MTFP1: variants seen among roughly 807,000 people sequenced by gnomAD.
The protein encoded by MTFP1 is mitochondrial fission process 1, also known as mitochondrial fission process protein 1.
MTFP1 carries 19 observed loss-of-function variants against 17.1 expected under a neutral mutation model. That is an observed-to-expected ratio of 1.11 (90% CI 0.77 to 1.63). The LOEUF (loss-of-function observed/expected upper bound fraction) is 1.63, where lower values mean the gene tolerates loss of function less well. Ranked by LOEUF, MTFP1 falls within the 40% of genes most tolerant of loss-of-function variation. The pLI, the probability that MTFP1 is intolerant of heterozygous loss-of-function variation, is 0.00. For missense variants in MTFP1, 221 were observed against 226.2 expected, an observed-to-expected ratio of 0.98 and a Z score of 0.15; for synonymous variants, 89 against 95.2, an observed-to-expected ratio of 0.93 and a Z score of 0.38.
intron 1 of MTFP1, 125 bp downstream of exon 1, chr22:30,426,071 C>A: frequency 1.0e-6 from 1 of 976,744 alleles, no homozygotes; most frequent in South Asian, 1.8e-5. Flanking sequence ...GCTTTTGGGC[C>A]GGAGACTGGG....
At position 30,428,511 on chromosome 22, in the gene MTFP1, G is replaced by T; in HGVS notation, c.478G>T (p.Val160Leu). Reference protein sequence around the residue: ...DSSLRKLYPTVGKPSSS With the variant: ...DSSLRKLYPTLGKPSSS The stretch of plus-strand genomic sequence containing the variant: ...CAGCCTGCGCAAGCTCTACCCAACA[G>T]TGGGGAAGCCCAGCTCCTCCTGATC... Residue 160 changes from valine (V) to leucine (L), a missense_variant, in exon 4 of 4, where the codon GTG becomes TTG. Val to Leu is a conservative substitution (Grantham distance 32, BLOSUM62 1). Coordinates refer to ENST00000266263, the MANE Select transcript of MTFP1 (RefSeq NM_016498.5). The T allele has an allele frequency of 6.2e-7, 1 of 1,614,194 alleles. No individual in the cohort carries two copies. Among genetic ancestry groups the T allele is most frequent in the Non-Finnish European group, 8.5e-7 (1 of 1,180,040 alleles).
chr22:30,427,234 T>C lies in MTFP1; in HGVS notation c.259T>C (p.Trp87Arg). The C allele has an allele frequency of 6.2e-7, 1 of 1,614,122 alleles. No individual in the cohort carries two copies. Among genetic ancestry groups the C allele is most frequent in the South Asian group, 1.1e-5 (1 of 91,092 alleles). ...TGTGGCTGTGGTGGACACCTTTGTA[T>C]GGCAGGCTCTAGCCTCTGTGGCCAT... ...VTVAVVDTFV[W>R]QALASVAIPG... The change falls in exon 3 of 4, where the codon TGG (tryptophan) becomes CGG (arginine). Residue 87 changes from tryptophan (W) to arginine (R), a missense_variant. Physicochemically the swap from Trp to Arg is moderately radical, Grantham distance 101. Transcript: ENST00000266263.
At chr22:30,427,106 G>T in intron 2 of MTFP1, 65 bp from the exon 3 acceptor site, 2 of 1,559,222 alleles carry the variant, frequency 1.3e-6, no homozygotes, top group Non-Finnish European at 8.8e-7. Flanking sequence ...GTCTAGCCTC[G>T]TGCCCCTTGT....
At position 30,425,833 on chromosome 22, in the gene MTFP1, G is replaced by A. The variant is rs1195718405; in HGVS notation, c.-47G>A. ...CCAAGTGCCGGCGGCGGAGACTGCA[G>A]TGGAGCCAGTACCGGCTGTAGTGGC... On this transcript the variant is annotated 5_prime_UTR_variant, in exon 1 of 4. The change creates a new upstream start codon in the 5' untranslated region. Transcript: ENST00000266263. The A allele has an allele frequency of 1.3e-6, 2 of 1,506,926 alleles. No homozygotes were observed. Among genetic ancestry groups the A allele is most frequent in the Non-Finnish European group, 8.9e-7 (1 of 1,128,556 alleles). The allele number at this position is 1,506,926 out of a possible 1,614,324, so 93.3% of individuals were successfully genotyped here. A position where few individuals can be genotyped will look rare whatever the true frequency, so the allele number is the denominator to read the frequency against.
chr22:30,427,711 C>T (rs984423890), intron 3 of MTFP1, among the ~76,000 whole-genome samples: 1 of 152,070 alleles, frequency 6.6e-6, no homozygotes, highest in Non-Finnish European at 1.5e-5. Flanking sequence ...GGAGCAGGTG[C>T]ACCCTAGAGG....
chr22:30,426,595 G>A, intron 1 of MTFP1, 122 bp from the exon 2 acceptor site: 1 of 1,325,094 alleles, frequency 7.5e-7, no homozygotes, highest in Non-Finnish European at 1.0e-6. Flanking sequence ...GCTCAGAGAG[G>A]TCAAGTCACT....
At position 30,427,189 on chromosome 22, in the gene MTFP1, G is replaced by A; in HGVS notation, c.214G>A (p.Gly72Ser). 6.2e-7 allele frequency: 1 copy of A among 1,614,142 alleles called. No individual in the cohort carries two copies. The highest frequency in any genetic ancestry group is 8.5e-7 in the Non-Finnish European group (1 of 1,180,012). ...KAGEVPSPEA[G>S]RSARVTVAVV... is the part of the protein sequence containing the mutation. ...CCACCAGGTGCCCAGCCCTGAAGCA[G>A]GCCGCAGCGCCAGGGTGACTGTGGC... The change falls in exon 3 of 4, where the codon GGC (glycine) becomes AGC (serine). Residue 72 changes from glycine to serine, a missense_variant. Transcript: ENST00000266263.
In MTFP1 at chr22:30,427,384, A is replaced by G. The variant is rs369280556; in HGVS notation, c.409A>G (p.Ile137Val). 28 of 1,613,926 alleles carry G rather than the reference A, an allele frequency of 1.7e-5. No individual in the cohort carries two copies. Among genetic ancestry groups the G allele is most frequent in the Non-Finnish European group, 2.4e-5 (28 of 1,180,012 alleles). ...GCTTGGGCTGTTGACCATCCCCATC[A>G]TTATCCACCCCATTGACAGGTGGGT... Reference protein sequence around the residue: ...TALGLLTIPIIIHPIDRSVDF... With the variant: ...TALGLLTIPIVIHPIDRSVDF... The change falls in exon 3 of 4, where the codon ATT becomes GTT. Residue 137 changes from isoleucine (I) to valine (V), a missense_variant. Coordinates refer to ENST00000266263, the MANE Select transcript of MTFP1 (RefSeq NM_016498.5).
At chr22:30,428,317 A>G in intron 3 of MTFP1, 145 bp from the exon 4 acceptor site, 1 of 653,148 alleles carries the variant, frequency 1.5e-6, no homozygotes, top group East Asian at 2.8e-5. Context: ...CCCAAGGTGG[A>G]AGGATCAGGA....
Position 30,427,203 on chromosome 22 carries a change from G to C in MTFP1, c.228G>C (p.Arg76Ser), listed in dbSNP as rs1934687591. 1 of 1,614,012 alleles carries C rather than the reference G, an allele frequency of 6.2e-7. No individual in the cohort carries two copies. Among genetic ancestry groups the C allele is most frequent in the Non-Finnish European group, 8.5e-7 (1 of 1,180,026 alleles). The stretch of plus-strand genomic sequence containing the variant: ...GCCCTGAAGCAGGCCGCAGCGCCAG[G>C]GTGACTGTGGCTGTGGTGGACACCT... ...VPSPEAGRSA[R>S]VTVAVVDTFV... The change falls in exon 3 of 4, where the codon AGG becomes AGC. Residue 76 changes from arginine (R) to serine (S), a missense_variant. Arg to Ser is a moderately radical substitution (Grantham distance 110, BLOSUM62 -1). Transcript: ENST00000266263.
At position 30,428,455 on chromosome 22, in the gene MTFP1, C is replaced by T; in HGVS notation, c.429-7C>T. The T allele has an allele frequency of 6.2e-7, 1 of 1,613,784 alleles. No individual in the cohort carries two copies. The highest frequency in any genetic ancestry group is 1.1e-5 in the South Asian group (1 of 91,058). ...TCACCTGCTCACCACCCTTCCACTC[C>T]CTACAGGTCGGTGGATTTCCTCCTG... On this transcript the variant is annotated splice_region_variant and splice_polypyrimidine_tract_variant and intron_variant, in intron 3 of 3. Transcript: ENST00000266263.
Position 30,428,858 on chromosome 22 carries a change from A to C in MTFP1, c.*324A>C. The stretch of plus-strand genomic sequence containing the variant: ...GAGAGACTGAGGCTCAGGGAGGGCA[A>C]GGAATAGGCCCAAGATCACTTGGCA... On this transcript the variant is annotated 3_prime_UTR_variant, in exon 4 of 4. Transcript: ENST00000266263. The C allele has an allele frequency of 3.2e-6, 2 of 617,908 alleles. No individual in the cohort carries two copies. Among genetic ancestry groups the C allele is most frequent in the Non-Finnish European group, 5.6e-6 (2 of 355,274 alleles). The allele number at this position is 617,908 out of a possible 1,614,324, so 38.3% of individuals were successfully genotyped here.
At chr22:30,426,574 C>G in intron 1 of MTFP1, 143 bp from the exon 2 acceptor site, 1 of 1,128,938 alleles carries the variant, frequency 8.9e-7, no homozygotes. Flanking sequence ...GTTTACATCT[C>G]GGAAAGGGAG....
At chr22:30,428,362 C>T in intron 3 of MTFP1, 100 bp from the exon 4 acceptor site, 1 of 984,542 alleles carries the variant, frequency 1.0e-6, no homozygotes, top group Non-Finnish European at 1.5e-6. Flanking sequence ...GCATTTGTAT[C>T]CTGCATCTAA....
At chr22:30,426,674 T>G (rs745954691) in intron 1 of MTFP1, 43 bp from the exon 2 acceptor site, 1 of 1,609,276 alleles carries the variant, frequency 6.2e-7, no homozygotes, top group South Asian at 1.1e-5. Flanking sequence ...CGCCCCCTCG[T>G]GGAACAGTTG....
At position 30,425,955 on chromosome 22, in the gene MTFP1, G is replaced by C. The variant is rs1934660031; in HGVS notation, c.67+9G>C. On this transcript the variant is annotated intron_variant, in intron 1 of 3. Coordinates refer to ENST00000266263, the MANE Select transcript of MTFP1 (RefSeq NM_016498.5). ...GTGGGTGCGATACCTGGGTGAGCGCGGGGCGACGGGCGCGGCGACCCCACC... is the reference window on the plus strand; with the variant it reads ...GTGGGTGCGATACCTGGGTGAGCGCCGGGCGACGGGCGCGGCGACCCCACC... 1.3e-6 allele frequency: 2 copies of C among 1,506,008 alleles called. No homozygotes were observed. Among genetic ancestry groups the C allele is most frequent in the African/African-American group, 1.4e-5 (1 of 69,870 alleles). The allele number at this position is 1,506,008 out of a possible 1,614,324, so 93.3% of individuals were successfully genotyped here. A position where few individuals can be genotyped will look rare whatever the true frequency, so the allele number is the denominator to read the frequency against.
In MTFP1 at chr22:30,428,707, G is replaced by T. The variant is rs45513091; in HGVS notation, c.*173G>T. On this transcript the variant is annotated 3_prime_UTR_variant, in exon 4 of 4. Coordinates refer to ENST00000266263, the MANE Select transcript of MTFP1 (RefSeq NM_016498.5). ...GGCTTCAAGAAGCAGTGGCTGCAGG[G>T]AGTCACAGAAGGGCAGGACCTGAAC... 1.3e-5 allele frequency: 20 copies of T among 1,597,280 alleles called. No homozygotes were observed.
chr22:30,426,055 C>A, intron 1 of MTFP1, 109 bp downstream of exon 1: 1 of 1,098,390 alleles, frequency 9.1e-7, no homozygotes, highest in Non-Finnish European at 1.2e-6. Flanking sequence ...TCTTAGTTCT[C>A]ATTCTGCTTT....
Position 30,427,234 on chromosome 22 carries a change from T to A in MTFP1, c.259T>A (p.Trp87Arg), listed in dbSNP as rs375980065. Residue 87 changes from tryptophan to arginine, a missense_variant, in exon 3 of 4, where the codon TGG becomes AGG. Coordinates refer to ENST00000266263, the MANE Select transcript of MTFP1 (RefSeq NM_016498.5). ...TGTGGCTGTGGTGGACACCTTTGTA[T>A]GGCAGGCTCTAGCCTCTGTGGCCAT... ...VTVAVVDTFV[W>R]QALASVAIPG... The A allele has an allele frequency of 1.9e-6, 3 of 1,614,004 alleles. No homozygotes were observed. In the African/African-American group the frequency reaches 4.0e-5, roughly 22 times the overall value.
Sources: gnomAD v4.1 joint callset for allele counts (sites outside exome capture counted in the v4.1 genomes callset) on GRCh38, gnomAD v4.1.1 for gene constraint, MANE v1.5 for transcripts, NCBI Gene and HGNC (gene_info 2026-07-23, HGNC 2026-07-21) for gene names.